Variants in KCNQ5 observed in about 807,000 individuals in gnomAD.
KCNQ5 encodes the protein potassium voltage-gated channel subfamily KQT member 5.
A neutral mutation model predicts 98.2 loss-of-function variants in KCNQ5; 30 were observed. The ratio of observed to expected loss-of-function variants is 0.31; its 90% CI spans 0.23 to 0.41. The LOEUF (loss-of-function observed/expected upper bound fraction) is 0.41, where lower values mean the gene tolerates loss of function less well. Among genes scored for constraint, KCNQ5 ranks in the 10% least tolerant of loss-of-function variants. KCNQ5 has a pLI of 1.00. For missense variants in KCNQ5, 835 were observed against 1,182.5 expected (o/e 0.71, Z 4.31); for synonymous variants, 458 against 449.4 (o/e 1.02, Z -0.24).
intron 1 of KCNQ5, among the ~76,000 whole-genome samples, chr6:72,896,822 A>C (rs1394598140): frequency 6.6e-6 from 1 of 152,192 alleles, no homozygotes; most frequent in African/African-American, 2.4e-5. Context: ...TGTGGTGGTC[A>C]CAGAGCCATC....
At chr6:72,806,565 A>G (rs1424254275) in intron 1 of KCNQ5, among the ~76,000 whole-genome samples, 2 of 152,214 alleles carry the variant, frequency 1.3e-5, no homozygotes. Context: ...GTAAGGCAAT[A>G]AGCAGAGAAT....
intron 1 of KCNQ5, among the ~76,000 whole-genome samples, chr6:72,957,196 G>A (rs1767124778): frequency 6.8e-6 from 1 of 147,786 alleles, no homozygotes; most frequent in African/African-American, 2.5e-5. Flanking sequence ...TTTGAGATAG[G>A]GTCTTGCTCC....
intron 1 of KCNQ5, among the ~76,000 whole-genome samples, chr6:72,985,061 C>T (rs902857122): frequency 1.3e-5 from 2 of 152,054 alleles, no homozygotes; most frequent in African/African-American, 2.4e-5. Flanking sequence ...TCTAAATTAA[C>T]CTGGCATAGT....
At chr6:72,689,889 C>G (rs1035230051) in intron 1 of KCNQ5, among the ~76,000 whole-genome samples, 2 of 150,700 alleles carry the variant, frequency 1.3e-5, no homozygotes, top group East Asian at 1.9e-4. Context: ...TCTTCTGTTT[C>G]GAGAGTTATT....
intron 1 of KCNQ5, among the ~76,000 whole-genome samples, chr6:72,816,186 G>C (rs1467568300): frequency 2.0e-5 from 3 of 152,120 alleles, no homozygotes; most frequent in Non-Finnish European, 4.4e-5. Context: ...AATAAATATG[G>C]AACCTGAGAA....
intron 1 of KCNQ5, among the ~76,000 whole-genome samples, chr6:72,670,043 C>T (rs1404636667): frequency 6.6e-6 from 1 of 151,866 alleles, no homozygotes; most frequent in South Asian, 2.1e-4. Flanking sequence ...CAGTGAGAAC[C>T]AAAGCTACAC....
chr6:72,780,645 G>T (rs542464331), intron 1 of KCNQ5, among the ~76,000 whole-genome samples: 44 of 152,216 alleles, frequency 2.9e-4, no homozygotes, highest in African/African-American at 9.6e-4. Context: ...TGGAAGACTT[G>T]GGGGGAGATA....
chr6:73,030,241 A>G (rs1771079380), intron 2 of KCNQ5, among the ~76,000 whole-genome samples: 1 of 152,202 alleles, frequency 6.6e-6, no homozygotes, highest in African/African-American at 2.4e-5. Context: ...CTTTATGTTT[A>G]TTAGAAATTG....
chr6:73,022,952 A>T (rs957416965), intron 2 of KCNQ5, among the ~76,000 whole-genome samples: 1 of 152,184 alleles, frequency 6.6e-6, no homozygotes, highest in African/African-American at 2.4e-5. Flanking sequence ...GTTGTAAGTG[A>T]TTGGAAATGG....
intron 1 of KCNQ5, among the ~76,000 whole-genome samples, chr6:72,840,664 G>C (rs1354216338): frequency 2.6e-5 from 4 of 152,128 alleles, no homozygotes; most frequent in African/African-American, 9.7e-5. Flanking sequence ...TTTGCAAGAG[G>C]TTCAATTAGG....
intron 1 of KCNQ5, among the ~76,000 whole-genome samples, chr6:72,977,822 C>A (rs144179649): frequency 2.0e-5 from 3 of 152,268 alleles, no homozygotes; most frequent in African/African-American, 7.2e-5. Context: ...TATGGCCCAT[C>A]TTTCCCGCTA....
chr6:73,047,487 G>T (rs1772022258), intron 3 of KCNQ5, among the ~76,000 whole-genome samples: 1 of 152,150 alleles, frequency 6.6e-6, no homozygotes, highest in African/African-American at 2.4e-5. Context: ...TAAACTATCG[G>T]TAATTTAGAT....
rs1483761382 is a variant in KCNQ5, at chr6:72,622,315, C to T, written c.126C>T (p.Gly42=). 5 of 1,375,384 alleles carry T rather than the reference C, an allele frequency of 3.6e-6. No individual in the cohort carries two copies. Among genetic ancestry groups the T allele is most frequent in the Non-Finnish European group, 4.7e-6 (5 of 1,068,792 alleles). 85.2% of individuals were successfully genotyped at this position (1,375,384 alleles called of 1,614,324 possible). A position where few individuals can be genotyped will look rare whatever the true frequency, so the allele number is the denominator to read the frequency against. The change falls in exon 1 of 14, where the codon GGC becomes GGT. Residue 42 remains glycine (G), a synonymous_variant. Coordinates refer to ENST00000370398, the MANE Select transcript of KCNQ5 (RefSeq NM_019842.4). The surrounding 1 kb of genome is among the most constrained non-coding windows in gnomAD (Gnocchi z 6.0). ...GCGGCATGAAGGATGTGGAGTCCGG[C>T]CGGGGCAGGGTGCTGCTGAACTCGG... is the stretch of plus-strand genomic sequence containing the variant. ...LGSGMKDVES[G]RGRVLLNSAA...
Position 72,859,550 on chromosome 6 carries a change from T to TTG in KCNQ5, c.399-144355_399-144354dup, listed in dbSNP as rs1431663710. 4.6e-5 allele frequency among the ~76,000 whole-genome samples: 7 copies of TTG among 152,266 alleles called. No individual in the cohort carries two copies. In the East Asian group the frequency reaches 7.7e-4, roughly 17 times the overall value. On this transcript the variant is annotated intron_variant, in intron 1 of 13. Transcript: ENST00000370398. ...TTAACTCTGTATTTTTTCTTGTGTC[T>TTG]TGTGCCTGCTTCCCTCACTTATTCC...
At chr6:72,664,696 A>C (rs1232886757) in intron 1 of KCNQ5, among the ~76,000 whole-genome samples, 2 of 151,702 alleles carry the variant, frequency 1.3e-5, no homozygotes, top group Non-Finnish European at 2.9e-5. Flanking sequence ...AACAAACAAA[A>C]AACACAAAAG....
chr6:73,093,197 G>A (rs181519315), intron 5 of KCNQ5, among the ~76,000 whole-genome samples: 1 of 152,168 alleles, frequency 6.6e-6, no homozygotes, highest in East Asian at 1.9e-4. Context: ...GTGCGTAATG[G>A]TGTTCATAGT....
At chr6:72,698,937 G>A (rs897274563) in intron 1 of KCNQ5, among the ~76,000 whole-genome samples, 1 of 152,070 alleles carries the variant, frequency 6.6e-6, no homozygotes, top group South Asian at 2.1e-4. Flanking sequence ...GGGATTACAG[G>A]TGTAAGTCAC....
At chr6:73,148,019 T>A (rs1431500522) in intron 10 of KCNQ5, among the ~76,000 whole-genome samples, 1 of 152,088 alleles carries the variant, frequency 6.6e-6, no homozygotes, top group Non-Finnish European at 1.5e-5. Flanking sequence ...ATAGTATATA[T>A]AACATATGCA....
rs751287194 is a variant in KCNQ5 at position 72,622,581 on chromosome 6, C to T, written c.392C>T (p.Ala131Val). The T allele has an allele frequency of 6.2e-6, 10 of 1,612,504 alleles. No individual in the cohort carries two copies. The highest frequency in any genetic ancestry group is 8.5e-6 in the Non-Finnish European group (10 of 1,179,532). Residue 131 changes from alanine to valine, a missense_variant, in exon 1 of 14, where the codon GCT (alanine) becomes GTT (valine). Ala to Val is a moderately conservative substitution (Grantham distance 64). Coordinates refer to ENST00000370398, the MANE Select transcript of KCNQ5 (RefSeq NM_019842.4). The surrounding 1 kb of genome is among the most constrained non-coding windows in gnomAD (Gnocchi z 6.0). ...CGCGGCTGGGCGTTCATCTACCACGCTTTCGTGTGAGTACCCGCGCCCCCT... is the reference window on the plus strand; with the variant it reads ...CGCGGCTGGGCGTTCATCTACCACGTTTTCGTGTGAGTACCCGCGCCCCCT... ...RPRGWAFIYH[A>V]FVFLLVFGCL...
Sources: allele counts gnomAD v4.1 joint callset (sites outside exome capture counted in the v4.1 genomes callset), GRCh38; gene constraint gnomAD v4.1.1; non-coding constraint Gnocchi (gnomAD v3.1); transcripts MANE v1.5; gene names NCBI Gene and HGNC (gene_info 2026-07-23, HGNC 2026-07-21).